Variants in PKHD1 observed in about 807,000 individuals in gnomAD.
PKHD1 encodes the protein fibrocystin.
In PKHD1, 291 loss-of-function variants were observed where a neutral mutation model predicts 412.0. The ratio of observed to expected loss-of-function variants is 0.71; its 90% CI spans 0.64 to 0.78. The LOEUF (loss-of-function observed/expected upper bound fraction) is 0.78. Among genes scored for constraint, PKHD1 ranks in the 30% least tolerant of loss-of-function variants. The pLI is 0.00. For missense variants in PKHD1, 4,825 were observed against 4,950.7 expected (o/e 0.97, Z 0.76); for synonymous variants, 1,777 against 1,821.5 (o/e 0.98, Z 0.62).
intron 52 of PKHD1, among the ~76,000 whole-genome samples, chr6:51,818,576 G>A (rs7749426): frequency 0.92 from 140,322 of 152,290 alleles, 65,784 homozygotes; most frequent in East Asian, 1. Flanking sequence ...AAATGTGGCC[G>A]AGGCCATTAG....
At chr6:51,713,910 GTC>G (rs1246977621) in intron 60 of PKHD1, among the ~76,000 whole-genome samples, 5 of 152,136 alleles carry the variant, frequency 3.3e-5, no homozygotes, top group Non-Finnish European at 7.3e-5. Flanking sequence ...AGCACAACTA[GTC>G]TCTCACCTGT....
rs202081524 is a variant in PKHD1, at chr6:51,836,490, C to G, written c.8108-21G>C. ...TGAAACTAAATACCAAAAGCCACAA[C>G]TTGCATGTGATACAAAGATCATCTT... On this transcript the variant is annotated intron_variant, in intron 50 of 66. Transcript: ENST00000371117. 1.9e-6 allele frequency: 3 copies of G among 1,553,490 alleles called. No individual in the cohort carries two copies. The South Asian group carries it at 3.3e-5, about 17-fold the overall frequency.
intron 60 of PKHD1, among the ~76,000 whole-genome samples, chr6:51,738,214 G>T (rs1044098355): frequency 2.0e-5 from 3 of 152,116 alleles, no homozygotes; most frequent in African/African-American, 7.2e-5. Flanking sequence ...GACAGCTAGC[G>T]CACTCCAACA....
intron 53 of PKHD1, among the ~76,000 whole-genome samples, chr6:51,785,167 A>G (rs2151218156): frequency 6.6e-6 from 1 of 152,328 alleles, no homozygotes; most frequent in Admixed American, 6.5e-5. Flanking sequence ...GGAGGAGGTA[A>G]AGGAGGAAGG....
intron 36 of PKHD1, among the ~76,000 whole-genome samples, chr6:51,943,656 C>T (rs1348668193): frequency 6.6e-6 from 1 of 151,602 alleles, no homozygotes; most frequent in South Asian, 2.1e-4. Flanking sequence ...TGGATCCTCC[C>T]AATTCTTAAT....
At chr6:51,775,601 T>A (rs968052200) in intron 54 of PKHD1, among the ~76,000 whole-genome samples, 5 of 151,902 alleles carry the variant, frequency 3.3e-5, no homozygotes, top group Non-Finnish European at 4.4e-5. Context: ...CTGCATGTCG[T>A]TCATCATCTC....
At chr6:51,830,053 A>T (rs1767987208) in intron 52 of PKHD1, among the ~76,000 whole-genome samples, 1 of 152,166 alleles carries the variant, frequency 6.6e-6, no homozygotes, top group Admixed American at 6.6e-5. Context: ...TTCTCAGTAA[A>T]TGTTTGACAT....
intron 50 of PKHD1, among the ~76,000 whole-genome samples, chr6:51,838,235 T>C (rs1370617470): frequency 6.6e-6 from 1 of 152,212 alleles, no homozygotes; most frequent in Non-Finnish European, 1.5e-5. Flanking sequence ...TAGCTTTGTC[T>C]TCAAATTTTT....
At chr6:51,647,630 G>A (rs1178649426) in intron 63 of PKHD1, among the ~76,000 whole-genome samples, 2 of 152,054 alleles carry the variant, frequency 1.3e-5, no homozygotes, top group African/African-American at 4.8e-5. Context: ...AAATCATATT[G>A]TACTTGGTAA....
intron 40 of PKHD1, 130 bp downstream of exon 40, chr6:51,909,153 C>T: frequency 2.6e-6 from 2 of 778,552 alleles, no homozygotes; most frequent in Admixed American, 2.0e-5. Flanking sequence ...AACCATAGAC[C>T]TAGAATATAA....
intron 35 of PKHD1, among the ~76,000 whole-genome samples, chr6:52,006,977 T>A (rs1279350433): frequency 6.6e-6 from 1 of 152,230 alleles, no homozygotes; most frequent in African/African-American, 2.4e-5. Context: ...TCACTTAGAA[T>A]AATCGTCTCC....
At chr6:52,021,291 G>T (rs1801357117) in intron 33 of PKHD1, among the ~76,000 whole-genome samples, 1 of 152,116 alleles carries the variant, frequency 6.6e-6, no homozygotes, top group South Asian at 2.1e-4. Context: ...TCCCCAAGAA[G>T]TTATAAAACT....
At chr6:51,885,038 T>C (rs1021555580) in intron 45 of PKHD1, among the ~76,000 whole-genome samples, 1 of 152,230 alleles carries the variant, frequency 6.6e-6, no homozygotes, top group African/African-American at 2.4e-5. Context: ...GACTTTCTTA[T>C]TGTGACATTA....
chr6:52,034,361 G>T (rs1181713749), intron 28 of PKHD1, among the ~76,000 whole-genome samples: 1 of 151,050 alleles, frequency 6.6e-6, no homozygotes, highest in Non-Finnish European at 1.5e-5. Flanking sequence ...GGGAGGAGGG[G>T]CAGGAAAACA....
chr6:51,669,387 G>C (rs1475626104), intron 60 of PKHD1, among the ~76,000 whole-genome samples: 10 of 152,050 alleles, frequency 6.6e-5, no homozygotes, highest in Non-Finnish European at 1.2e-4. Context: ...GGGATCGGTG[G>C]TGATATCCCC....
intron 52 of PKHD1, among the ~76,000 whole-genome samples, chr6:51,796,700 T>C (rs1794664430): frequency 6.6e-6 from 1 of 152,188 alleles, no homozygotes; most frequent in African/African-American, 2.4e-5. Flanking sequence ...TGGTGTATCT[T>C]TGTTCTCATG....
intron 60 of PKHD1, among the ~76,000 whole-genome samples, chr6:51,710,641 C>G (rs1162159230): frequency 6.6e-6 from 1 of 152,020 alleles, no homozygotes; most frequent in African/African-American, 2.4e-5. Flanking sequence ...ACATATATAT[C>G]TATTACTAAT....
rs543908984 is a variant in PKHD1, at chr6:51,684,629, T to G, written c.10157-24660A>C. Among the ~76,000 whole-genome samples, 20 of 152,178 alleles carry G rather than the reference T, an allele frequency of 1.3e-4. No individual in the cohort carries two copies. The South Asian group carries it at 4.2e-3, about 32-fold the overall frequency. ...ACTAAGAAATGACTGTGGATAAGGT[T>G]TGCCCTGCTAGATATTCCCCCACTT... is the stretch of plus-strand genomic sequence containing the variant. On this transcript the variant is annotated intron_variant, in intron 60 of 66. Transcript: ENST00000371117.
chr6:51,620,800 G>A (rs2397056), intron 66 of PKHD1, among the ~76,000 whole-genome samples: 129,085 of 142,782 alleles, frequency 0.9, 58,308 homozygotes, highest in East Asian at 0.97. Flanking sequence ...ATATATATAT[G>A]TATATATATA....
Sources: gnomAD v4.1 joint callset for allele counts (sites outside exome capture counted in the v4.1 genomes callset) on GRCh38, gnomAD v4.1.1 for gene constraint, MANE v1.5 for transcripts, NCBI Gene and HGNC (gene_info 2026-07-23, HGNC 2026-07-21) for gene names.